The following DMXL1 variants were observed in gnomAD, a reference collection of about 807,000 sequenced individuals.
DMXL1 encodes the protein dmX-like protein 1.
DMXL1 carries 99 observed loss-of-function variants against 319.2 expected under a neutral mutation model. The ratio of observed to expected loss-of-function variants is 0.31; its 90% CI spans 0.26 to 0.37. DMXL1 has a LOEUF of 0.37. Ranked by LOEUF, DMXL1 falls within the 10% of genes least tolerant of loss-of-function variation. DMXL1 has a pLI of 1.00. For missense variants in DMXL1, 3,745 were observed against 3,595.6 expected (o/e 1.04, Z -1.06); for synonymous variants, 1,385 against 1,235.2 (o/e 1.12, Z -2.54).
At chr5:119,184,080 G>A in intron 28 of DMXL1, among the ~76,000 whole-genome samples, 1 of 130,732 alleles carries the variant, frequency 7.6e-6, no homozygotes, top group African/African-American at 4.4e-5. Flanking sequence ...TTGAGACAGG[G>A]TCTTGCTCTG....
chr5:119,143,679 C>T (rs570889012), intron 13 of DMXL1, among the ~76,000 whole-genome samples, 162 bp from the exon 14 acceptor site: 54 of 151,764 alleles, frequency 3.6e-4, no homozygotes, highest in African/African-American at 1.3e-3. Flanking sequence ...TTTGTTAATT[C>T]CTATAAAGAC....
chr5:119,177,059 A>G (rs570454384), intron 26 of DMXL1, among the ~76,000 whole-genome samples: 2 of 152,278 alleles, frequency 1.3e-5, no homozygotes, highest in South Asian at 4.1e-4. Context: ...TTCATTTTCA[A>G]CCAGATAACT....
At chr5:119,171,738 T>C in intron 24 of DMXL1, 40 bp from the exon 25 acceptor site, 1 of 1,522,778 alleles carries the variant, frequency 6.6e-7, no homozygotes. Flanking sequence ...TTTGTAACTG[T>C]AAATAGTTGG....
intron 36 of DMXL1, 49 bp from the exon 37 acceptor site, chr5:119,220,891 A>C (rs1457963434): frequency 6.3e-7 from 1 of 1,584,028 alleles, no homozygotes; most frequent in African/African-American, 1.4e-5. Context: ...AAGTGTAAAA[A>C]AGAAAGAAAT....
Position 119,244,515 on chromosome 5 carries a change from C to T in DMXL1, c.8861C>T (p.Ala2954Val), listed in dbSNP as rs1197193082. Residue 2954 changes from alanine (A) to valine (V), a missense_variant, in exon 43 of 44, where the codon GCC becomes GTC. By Grantham distance (64) the Ala-to-Val change is moderately conservative (BLOSUM62 0). Around this residue, in one of 4 missense-constraint regions of DMXL1, gnomAD observed 262 missense variants for 320.5 expected, o/e 0.82. Coordinates refer to ENST00000539542, the MANE Select transcript of DMXL1 (RefSeq NM_001290321.3). ...CAGAGCCATGATTCTCCTGTTAAAG[C>T]CGTTGCTGTTGATCCAACTGAAGAG... is the stretch of plus-strand genomic sequence containing the variant. ...LFQSHDSPVK[A>V]VAVDPTEEYF... 1 of 1,614,016 alleles carries T rather than the reference C, an allele frequency of 6.2e-7. No homozygotes were observed. The highest frequency in any genetic ancestry group is 1.3e-5 in the African/African-American group (1 of 74,924).
Position 119,112,891 on chromosome 5 carries a change from G to T in DMXL1, c.498-1584G>T, listed in dbSNP as rs570724977. ...AGAATAGCTTGAACCCGGTGGTGGA[G>T]GTTACAATGAGCCGAGATCACACCA... is the stretch of plus-strand genomic sequence containing the variant. On this transcript the variant is annotated intron_variant, in intron 5 of 43. Coordinates refer to ENST00000539542, the MANE Select transcript of DMXL1 (RefSeq NM_001290321.3). Among the ~76,000 whole-genome samples, 5 of 151,006 alleles carry T rather than the reference G, an allele frequency of 3.3e-5. No individual in the cohort carries two copies. In the South Asian group the frequency reaches 8.4e-4, roughly 25 times the overall value.
In DMXL1 at chr5:119,102,013, A is replaced by T; in HGVS notation, c.285+7A>T. On this transcript the variant is annotated splice_region_variant and intron_variant, in intron 3 of 43. Transcript: ENST00000539542. Reference sequence around the variant, plus strand: ...AAAACAAAAGAAAAATTTGGTCAGTAATTTATGATTTCTTCTTTTAGGAAT... The same window carrying T: ...AAAACAAAAGAAAAATTTGGTCAGTTATTTATGATTTCTTCTTTTAGGAAT... 1 of 1,542,070 alleles carries T rather than the reference A, an allele frequency of 6.5e-7. No homozygotes were observed. The highest frequency in any genetic ancestry group is 8.9e-7 in the Non-Finnish European group (1 of 1,122,668).
At chr5:119,163,874 C>T (rs1441905395) in intron 19 of DMXL1, among the ~76,000 whole-genome samples, 1 of 152,030 alleles carries the variant, frequency 6.6e-6, no homozygotes, top group East Asian at 1.9e-4. Context: ...CGCGCCCGGC[C>T]TAATTGTACG....
chr5:119,240,049 A>G (rs895717263), intron 41 of DMXL1, among the ~76,000 whole-genome samples: 1 of 151,806 alleles, frequency 6.6e-6, no homozygotes, highest in Admixed American at 6.6e-5. Context: ...CAGGAGGATC[A>G]TTTCAGCCCA....
Position 119,118,994 on chromosome 5 carries a change from A to G in DMXL1, c.923A>G (p.Asn308Ser), listed in dbSNP as rs776356918. 1.4e-5 allele frequency: 22 copies of G among 1,610,760 alleles called. No individual in the cohort carries two copies. Among genetic ancestry groups the G allele is most frequent in the Non-Finnish European group, 1.9e-5 (22 of 1,178,732 alleles). Residue 308 changes from asparagine to serine, a missense_variant, in exon 8 of 44, where the codon AAT becomes AGT. By Grantham distance (46) the Asn-to-Ser change is conservative. Coordinates refer to ENST00000539542, the MANE Select transcript of DMXL1 (RefSeq NM_001290321.3). ...GCTTCCAGTAAAGAACGAGTTCAAA[A>G]TGCTTTAGAAGTGAGTGTTTTTGTT... is the stretch of plus-strand genomic sequence containing the variant. Reference protein sequence around the residue: ...RNASSKERVQNALEVNLRHFR... With the variant: ...RNASSKERVQSALEVNLRHFR...
intron 29 of DMXL1, among the ~76,000 whole-genome samples, chr5:119,193,279 C>T (rs1779015437): frequency 6.6e-6 from 1 of 152,076 alleles, no homozygotes; most frequent in South Asian, 2.1e-4. Context: ...CATTTTTTTG[C>T]TTAGCAGACT....
At position 119,202,883 on chromosome 5, in the gene DMXL1, T is replaced by TTATATATATATATATATA. The variant is rs201634842; in HGVS notation, c.7746-435_7746-434insATATATATATATATATAT. The stretch of plus-strand genomic sequence containing the variant: ...TACATACATATATATATATATATAT[T>TTATATATATATATATATA]TTTATATATATATATATATATATTT... On this transcript the variant is annotated intron_variant, in intron 32 of 43. Coordinates refer to ENST00000539542, the MANE Select transcript of DMXL1 (RefSeq NM_001290321.3). Among the ~76,000 whole-genome samples the TTATATATATATATATATA allele has an allele frequency of 1.2e-3, 87 of 71,484 alleles. 1 individual carries two copies. The highest frequency in any genetic ancestry group is 3.4e-3 in the African/African-American group (86 of 25,334). 46.9% of individuals were successfully genotyped at this position (71,484 alleles called of 152,430 possible).
chr5:119,161,413 G>T (rs1312448309), intron 19 of DMXL1, among the ~76,000 whole-genome samples: 1 of 152,216 alleles, frequency 6.6e-6, no homozygotes, highest in Admixed American at 6.5e-5. Flanking sequence ...TTGCAGGCTG[G>T]CCCCGAGGTT....
intron 9 of DMXL1, among the ~76,000 whole-genome samples, chr5:119,124,625 G>T (rs1433773346): frequency 6.8e-6 from 1 of 145,998 alleles, no homozygotes; most frequent in Admixed American, 7.0e-5. Flanking sequence ...GAGTGCAGTG[G>T]TGTAATCAAG....
rs140223713 is a variant in DMXL1, at chr5:119,152,222, G to A, written c.4702+186G>A. On this transcript the variant is annotated intron_variant, in intron 19 of 43. Transcript: ENST00000539542. Reference sequence around the variant, plus strand: ...TGCTTAAAACATTGGAATTTTTAATGGTAGGCAAAAGGAGTTAATGAAGAA... The same window carrying A: ...TGCTTAAAACATTGGAATTTTTAATAGTAGGCAAAAGGAGTTAATGAAGAA... Among the ~76,000 whole-genome samples the A allele has an allele frequency of 5.8e-4, 88 of 152,192 alleles. No individual in the cohort carries two copies. The East Asian group carries it at 0.015, about 26-fold the overall frequency.
At chr5:119,220,857 A>G (rs983239710) in intron 36 of DMXL1, 83 bp from the exon 37 acceptor site, 35 of 1,499,088 alleles carry the variant, frequency 2.3e-5, no homozygotes, top group Middle Eastern at 2.2e-4. Flanking sequence ...AAAGGGAACT[A>G]TAAATTCAAA....
intron 13 of DMXL1, among the ~76,000 whole-genome samples, chr5:119,135,048 G>A (rs1765696915): frequency 6.6e-6 from 1 of 152,210 alleles, no homozygotes; most frequent in African/African-American, 2.4e-5. Flanking sequence ...GGCTTACAGA[G>A]TTGCATAAAT....
chr5:119,230,727 A>G (rs1401027068), intron 38 of DMXL1, among the ~76,000 whole-genome samples: 1 of 152,084 alleles, frequency 6.6e-6, no homozygotes, highest in Non-Finnish European at 1.5e-5. Flanking sequence ...CTAAAAATAC[A>G]AAAAATTAGC....
intron 34 of DMXL1, among the ~76,000 whole-genome samples, chr5:119,212,678 C>A (rs1368439227): frequency 6.6e-6 from 1 of 152,032 alleles, no homozygotes; most frequent in African/African-American, 2.4e-5. Flanking sequence ...CATGTCCAGC[C>A]CAATCAAAGC....
Sources: allele counts gnomAD v4.1 joint callset (sites outside exome capture counted in the v4.1 genomes callset), GRCh38; gene constraint gnomAD v4.1.1; regional missense constraint gnomAD v4.1.1; transcripts MANE v1.5; gene names NCBI Gene and HGNC (gene_info 2026-07-23, HGNC 2026-07-21).